The following ZNF804A variants were observed in gnomAD, a reference collection of about 807,000 sequenced individuals.
The protein encoded by ZNF804A is zinc finger protein 804A.
ZNF804A carries 2 observed loss-of-function variants against 16.5 expected under a neutral mutation model. The observed-to-expected ratio is 0.12, with a 90% CI of 0.05 to 0.38. ZNF804A has a LOEUF of 0.38. ZNF804A is among the 10% of genes least tolerant of loss of function. The probability of loss-of-function intolerance (pLI) is 0.99; values close to 1 mark genes in which losing one functional copy is unlikely to be tolerated. For missense variants in ZNF804A, 1,473 were observed against 1,390.7 expected (o/e 1.06, Z -0.94); for synonymous variants, 534 against 489.6 (o/e 1.09, Z -1.20).
intron 1 of ZNF804A, among the ~76,000 whole-genome samples, chr2:184,851,547 C>A (rs549301494): frequency 1.3e-5 from 2 of 151,802 alleles, no homozygotes; most frequent in African/African-American, 4.8e-5. Context: ...CATTCCACTG[C>A]GCATATATAC....
At chr2:184,777,074 C>T (rs1037916447) in intron 1 of ZNF804A, among the ~76,000 whole-genome samples, 1 of 151,506 alleles carries the variant, frequency 6.6e-6, no homozygotes, top group Non-Finnish European at 1.5e-5. Context: ...AGCACACCCT[C>T]AGAAAATTTT....
intron 1 of ZNF804A, among the ~76,000 whole-genome samples, chr2:184,820,717 A>G (rs758265889): frequency 6.6e-6 from 1 of 152,134 alleles, no homozygotes; most frequent in Non-Finnish European, 1.5e-5. Context: ...ACTTCAGCAA[A>G]GTTTCAGGAT....
chr2:184,608,556 T>C (rs1269365956), intron 1 of ZNF804A, among the ~76,000 whole-genome samples: 6 of 152,186 alleles, frequency 3.9e-5, no homozygotes, highest in Non-Finnish European at 8.8e-5. Flanking sequence ...GGACTTGTTA[T>C]TGTTAAGCTC....
At chr2:184,914,323 G>A (rs1000323070) in intron 2 of ZNF804A, among the ~76,000 whole-genome samples, 4 of 152,168 alleles carry the variant, frequency 2.6e-5, no homozygotes. Context: ...ATGAGATAAT[G>A]TGGGTGGATG....
chr2:184,903,273 C>T (rs1218103159), intron 2 of ZNF804A, among the ~76,000 whole-genome samples: 2 of 152,072 alleles, frequency 1.3e-5, no homozygotes, highest in Admixed American at 6.6e-5. Flanking sequence ...AGTCAAGCAC[C>T]ACATCATGAC....
At chr2:184,772,983 G>A (rs201971589) in intron 1 of ZNF804A, among the ~76,000 whole-genome samples, 14 of 144,552 alleles carry the variant, frequency 9.7e-5, no homozygotes, top group South Asian at 4.4e-4. Context: ...ATATATATAT[G>A]TGTGTGTGGG....
intron 1 of ZNF804A, among the ~76,000 whole-genome samples, chr2:184,731,623 G>T (rs1247038544): frequency 7.1e-6 from 1 of 140,062 alleles, no homozygotes; most frequent in Non-Finnish European, 1.5e-5. Context: ...AGGCTGGAGT[G>T]CCTTGGTACA....
chr2:184,742,806 G>GTA (rs914150550), intron 1 of ZNF804A, among the ~76,000 whole-genome samples: 5 of 151,464 alleles, frequency 3.3e-5, no homozygotes, highest in Admixed American at 2.0e-4. Flanking sequence ...ATATGTGTGT[G>GTA]TATATATATA....
chr2:184,634,225 T>C (rs1321444792), intron 1 of ZNF804A, among the ~76,000 whole-genome samples: 1 of 152,240 alleles, frequency 6.6e-6, no homozygotes, highest in Non-Finnish European at 1.5e-5. Context: ...CCTTAATTTC[T>C]GATTAATTTT....
Position 184,789,405 on chromosome 2 carries a change from T to C in ZNF804A, c.112-76964T>C, listed in dbSNP as rs531887334. 2.3e-4 allele frequency among the ~76,000 whole-genome samples: 35 copies of C among 152,234 alleles called. No individual in the cohort carries two copies. The East Asian group carries it at 5.8e-3, about 25-fold the overall frequency. ...ATTTTTCGGAATAGTTTCAGTAAGA[T>C]TGATAACAGCTCTTCTTTGTGTGTC... On this transcript the variant is annotated intron_variant, in intron 1 of 3. Coordinates refer to ENST00000302277, the MANE Select transcript of ZNF804A (RefSeq NM_194250.2).
intron 2 of ZNF804A, among the ~76,000 whole-genome samples, chr2:184,872,948 G>T (rs1695997897): frequency 6.6e-6 from 1 of 152,160 alleles, no homozygotes; most frequent in Non-Finnish European, 1.5e-5. Context: ...ATTATATTTA[G>T]AAATTTATTA....
At chr2:184,856,705 T>C (rs1386854944) in intron 1 of ZNF804A, among the ~76,000 whole-genome samples, 1 of 152,098 alleles carries the variant, frequency 6.6e-6, no homozygotes, top group Non-Finnish European at 1.5e-5. Flanking sequence ...CAAACTTTGT[T>C]GCATGCATAT....
intron 1 of ZNF804A, among the ~76,000 whole-genome samples, chr2:184,662,320 A>G (rs996359431): frequency 1.2e-4 from 18 of 152,326 alleles, no homozygotes; most frequent in African/African-American, 4.3e-4. Context: ...CGAATGATGT[A>G]ATAATAGACT....
At position 184,866,426 on chromosome 2, in the gene ZNF804A, T is replaced by G; in HGVS notation, c.169T>G (p.Phe57Val). 1 of 1,613,160 alleles carries G rather than the reference T, an allele frequency of 6.2e-7. No individual in the cohort carries two copies. The highest frequency in any genetic ancestry group is 1.3e-5 in the African/African-American group (1 of 74,936). The change falls in exon 2 of 4, where the codon TTT (phenylalanine) becomes GTT (valine). Residue 57 changes from phenylalanine to valine, a missense_variant. Transcript: ENST00000302277. Reference sequence around the variant, plus strand: ...AGCTCTGGAAGATCTGAAGGCAAATTTTTACTGTGAACTCTGTGACAAGCA... The same window carrying G: ...AGCTCTGGAAGATCTGAAGGCAAATGTTTACTGTGAACTCTGTGACAAGCA... ...AKALEDLKAN[F>V]YCELCDKQYY...
intron 2 of ZNF804A, among the ~76,000 whole-genome samples, chr2:184,914,856 A>G (rs1327930666): frequency 6.6e-6 from 1 of 151,838 alleles, no homozygotes; most frequent in Admixed American, 6.6e-5. Context: ...ACTAACCCAT[A>G]TAGATTTCAT....
At chr2:184,704,853 C>A (rs1176078141) in intron 1 of ZNF804A, among the ~76,000 whole-genome samples, 1 of 152,136 alleles carries the variant, frequency 6.6e-6, no homozygotes, top group East Asian at 1.9e-4. Context: ...ACTGCTCAAA[C>A]CTTGAGGGGA....
At chr2:184,768,666 C>T (rs2105767329) in intron 1 of ZNF804A, among the ~76,000 whole-genome samples, 1 of 151,950 alleles carries the variant, frequency 6.6e-6, no homozygotes, top group Non-Finnish European at 1.5e-5. Context: ...TTTTTATAGC[C>T]ACTATTATAG....
chr2:184,630,659 G>A (rs1267647512), intron 1 of ZNF804A, among the ~76,000 whole-genome samples: 1 of 152,036 alleles, frequency 6.6e-6, no homozygotes, highest in African/African-American at 2.4e-5. Context: ...TATAATAGAA[G>A]CTATGCAACT....
intron 1 of ZNF804A, among the ~76,000 whole-genome samples, chr2:184,651,536 A>G (rs543102520): frequency 2.0e-5 from 3 of 152,246 alleles, no homozygotes; most frequent in African/African-American, 7.2e-5. Context: ...TTCACAAACT[A>G]CACATCTGAC....
Sources: allele counts gnomAD v4.1 joint callset (sites outside exome capture counted in the v4.1 genomes callset), GRCh38; gene constraint gnomAD v4.1.1; transcripts MANE v1.5; gene names NCBI Gene and HGNC (gene_info 2026-07-23, HGNC 2026-07-21).